Variants in PPIL1 observed in about 807,000 individuals in gnomAD.
The protein encoded by PPIL1 is peptidylprolyl isomerase like 1.
In PPIL1, 14 loss-of-function variants were observed where a neutral mutation model predicts 19.4. The ratio of observed to expected loss-of-function variants is 0.72; its 90% CI spans 0.48 to 1.13. The LOEUF is 1.13. Among genes scored for constraint, PPIL1 ranks in the 50% most tolerant of loss-of-function variants. The probability of loss-of-function intolerance (pLI) is 0.00; values close to 1 mark genes in which losing one functional copy is unlikely to be tolerated. For missense variants in PPIL1, 192 were observed against 218.0 expected, an observed-to-expected ratio of 0.88 and a Z score of 0.75; for synonymous variants, 72 against 73.6, an observed-to-expected ratio of 0.98 and a Z score of 0.11.
rs1029617008 is a variant in PPIL1, at chr6:36,855,009, C to T, written c.*804G>A. The T allele has an allele frequency of 2.6e-5, 4 of 152,604 alleles. No homozygotes were observed. Among genetic ancestry groups the T allele is most frequent in the African/African-American group, 7.2e-5 (3 of 41,456 alleles). 9.5% of individuals were successfully genotyped at this position (152,604 alleles called of 1,614,324 possible). On this transcript the variant is annotated 3_prime_UTR_variant, in exon 4 of 4. Coordinates refer to ENST00000373699, the MANE Select transcript of PPIL1 (RefSeq NM_016059.5). ...TCTTGGGTTAAAAGAACTTGAGTGG[C>T]GCTTCTCCTTTCTGAGAGTACTACT...
chr6:36,858,945 TTGA>T (rs1774223077), intron 2 of PPIL1, among the ~76,000 whole-genome samples: 1 of 152,206 alleles, frequency 6.6e-6, no homozygotes, highest in East Asian at 1.9e-4. Flanking sequence ...CGTGCAGGAC[TTGA>T]GTGAGCAAGC....
At chr6:36,861,113 C>T (rs1278577217) in intron 2 of PPIL1, among the ~76,000 whole-genome samples, 1 of 152,060 alleles carries the variant, frequency 6.6e-6, no homozygotes, top group Non-Finnish European at 1.5e-5. Context: ...GGGCCAATAC[C>T]TCACAGGGGA....
Position 36,871,726 on chromosome 6 carries a change from G to A in PPIL1, c.203C>T (p.Thr68Ile). 6.2e-7 allele frequency: 1 copy of A among 1,605,180 alleles called. No homozygotes were observed. The highest frequency in any genetic ancestry group is 1.1e-5 in the South Asian group (1 of 89,114). Residue 68 changes from threonine to isoleucine, a missense_variant, in exon 2 of 4, where the codon ACA (threonine) becomes ATA (isoleucine). Transcript: ENST00000373699. ...TGTTGGCTTAACTGTACCTGTCCCT[G>A]TTGGGTCACCTCCTTGGATCATGAA... ...KDFMIQGGDP[T>I]GTGRGGASIY...
intron 2 of PPIL1, among the ~76,000 whole-genome samples, chr6:36,861,499 C>T (rs1444332103): frequency 6.6e-6 from 1 of 152,078 alleles, no homozygotes; most frequent in East Asian, 1.9e-4. Flanking sequence ...CTGTATGGAC[C>T]TCCATGGTTC....
chr6:36,863,923 T>C (rs1381662717), intron 2 of PPIL1, among the ~76,000 whole-genome samples: 1 of 151,954 alleles, frequency 6.6e-6, no homozygotes, highest in African/African-American at 2.4e-5. Flanking sequence ...TCCGCCCCTC[T>C]GCTTTCACAG....
At chr6:36,861,907 G>A (rs910806937) in intron 2 of PPIL1, among the ~76,000 whole-genome samples, 2 of 152,046 alleles carry the variant, frequency 1.3e-5, no homozygotes, top group African/African-American at 4.8e-5. Context: ...TGTCGGTCAG[G>A]CTGGCCTCAA....
rs932773203 is a variant in PPIL1, at chr6:36,867,566, A to T, written c.211+4152T>A. Among the ~76,000 whole-genome samples, 5 of 152,248 alleles carry T rather than the reference A, an allele frequency of 3.3e-5. No homozygotes were observed. The East Asian group carries it at 7.7e-4, about 23-fold the overall frequency. ...ACAAAGCCCTTGAGGGCAGAAGCCC[A>T]CACATATCACAGGGGCTCGGGAGTG... On this transcript the variant is annotated intron_variant, in intron 2 of 3. Transcript: ENST00000373699.
At chr6:36,862,652 C>T (rs893962185) in intron 2 of PPIL1, among the ~76,000 whole-genome samples, 2 of 152,202 alleles carry the variant, frequency 1.3e-5, no homozygotes, top group Non-Finnish European at 2.9e-5. Context: ...CAACACATTA[C>T]GAATGAAGTG....
At chr6:36,870,314 T>C (rs11964420) in intron 2 of PPIL1, among the ~76,000 whole-genome samples, 3,332 of 152,214 alleles carry the variant, frequency 0.022, 100 homozygotes, top group African/African-American at 0.067. Flanking sequence ...AGTTCACTAA[T>C]AAACCCCATC....
At chr6:36,868,510 A>C (rs1419101425) in intron 2 of PPIL1, among the ~76,000 whole-genome samples, 2 of 152,212 alleles carry the variant, frequency 1.3e-5, no homozygotes, top group East Asian at 3.8e-4. Flanking sequence ...GAAGGAGTAA[A>C]TCTGGCCTCA....
intron 2 of PPIL1, among the ~76,000 whole-genome samples, chr6:36,869,385 G>A (rs1305178276): frequency 6.6e-6 from 1 of 152,158 alleles, no homozygotes; most frequent in Non-Finnish European, 1.5e-5. Context: ...TTGCTGGTGG[G>A]GACTCTGTGA....
In PPIL1 at chr6:36,855,809, A is replaced by AAG; in HGVS notation, c.*2_*3dup. The AAG allele has an allele frequency of 4.3e-6, 7 of 1,613,532 alleles. No homozygotes were observed. Among genetic ancestry groups the AAG allele is most frequent in the Non-Finnish European group, 5.9e-6 (7 of 1,179,454 alleles). Reference sequence around the variant, plus strand: ...CAGAAGAGCTGCTCAAGAGGGTAGCAAGTCTACCCAGAAGGGTATGCCTTA... The same window carrying AAG: ...CAGAAGAGCTGCTCAAGAGGGTAGCAAGAGTCTACCCAGAAGGGTATGCCTTA... On this transcript the variant is annotated 3_prime_UTR_variant, in exon 4 of 4. Coordinates refer to ENST00000373699, the MANE Select transcript of PPIL1 (RefSeq NM_016059.5).
chr6:36,873,728 TAG>T, intron 1 of PPIL1, among the ~76,000 whole-genome samples: 2 of 151,974 alleles, frequency 1.3e-5, no homozygotes, highest in Non-Finnish European at 2.9e-5. Context: ...CATGAGCAAA[TAG>T]AGAGAGGACT....
intron 2 of PPIL1, among the ~76,000 whole-genome samples, chr6:36,866,259 A>G (rs761120810): frequency 6.6e-6 from 1 of 152,246 alleles, no homozygotes; most frequent in Non-Finnish European, 1.5e-5. Flanking sequence ...TGAATTGACA[A>G]GGCATCTGGC....
At chr6:36,859,661 G>A (rs560994283) in intron 2 of PPIL1, among the ~76,000 whole-genome samples, 1 of 152,282 alleles carries the variant, frequency 6.6e-6, no homozygotes, top group Admixed American at 6.5e-5. Context: ...AGAGGTGGCA[G>A]AGGGACAGAG....
chr6:36,872,818 C>T (rs1416909691), intron 1 of PPIL1, among the ~76,000 whole-genome samples: 2 of 152,122 alleles, frequency 1.3e-5, no homozygotes, highest in South Asian at 2.1e-4. Context: ...CCATGTTGCC[C>T]GGGCTTGTCT....
At chr6:36,858,231 CAAAAAA>C (rs55719434) in intron 2 of PPIL1, among the ~76,000 whole-genome samples, 5 of 68,176 alleles carry the variant, frequency 7.3e-5, no homozygotes, top group African/African-American at 1.7e-4. Context: ...AAGACTGTCT[CAAAAAA>C]AAAAAAAAAA....
intron 2 of PPIL1, among the ~76,000 whole-genome samples, chr6:36,863,762 AC>A (rs972927110): frequency 4.0e-5 from 6 of 151,738 alleles, no homozygotes; most frequent in African/African-American, 1.5e-4. Flanking sequence ...AGTGACCTCC[AC>A]GTGGTTATAC....
At chr6:36,872,075 G>T (rs6915283) in intron 1 of PPIL1, 27,430 of 438,706 alleles carry the variant, frequency 0.063, 1,050 homozygotes, top group Middle Eastern at 0.15. Context: ...AAACACGCAG[G>T]TGTTCTGGGT....
Sources: gnomAD v4.1 joint callset for allele counts (sites outside exome capture counted in the v4.1 genomes callset) on GRCh38, gnomAD v4.1.1 for gene constraint, MANE v1.5 for transcripts, NCBI Gene and HGNC (gene_info 2026-07-23, HGNC 2026-07-21) for gene names.